The following TNR variants were observed in gnomAD, a reference collection of about 807,000 sequenced individuals.
TNR encodes tenascin R.
TNR carries 45 observed loss-of-function variants against 150.4 expected under a neutral mutation model. The observed-to-expected ratio is 0.30, with a 90% CI of 0.24 to 0.38. TNR has a LOEUF of 0.38. TNR is among the 10% of genes least tolerant of loss of function. The pLI is 1.00. For missense variants in TNR, 1,544 were observed against 1,759.1 expected, an observed-to-expected ratio of 0.88 and a Z score of 2.19; for synonymous variants, 687 against 678.4, an observed-to-expected ratio of 1.01 and a Z score of -0.20.
chr1:175,427,888 C>CACTT (rs765901559), intron 2 of TNR, among the ~76,000 whole-genome samples: 2 of 63,372 alleles, frequency 3.2e-5, no homozygotes, highest in African/African-American at 7.6e-5. Context: ...CTCCCTTCTT[C>CACTT]GCTTCCTTCC....
intron 2 of TNR, among the ~76,000 whole-genome samples, chr1:175,424,595 A>T (rs1654889076): frequency 6.6e-6 from 1 of 152,066 alleles, no homozygotes; most frequent in Admixed American, 6.5e-5. Context: ...GCTCTCCCTG[A>T]CTCTGGGGTT....
At chr1:175,707,812 TAA>T (rs988156875) in intron 1 of TNR, among the ~76,000 whole-genome samples, 37 of 152,320 alleles carry the variant, frequency 2.4e-4, no homozygotes, top group African/African-American at 7.7e-4. Context: ...AATAATTATT[TAA>T]GTTAAAATTA....
intron 1 of TNR, among the ~76,000 whole-genome samples, chr1:175,651,824 A>C (rs1665004746): frequency 6.6e-6 from 1 of 151,768 alleles, no homozygotes; most frequent in African/African-American, 2.4e-5. Flanking sequence ...ATTCTAGACC[A>C]AATATTAACT....
intron 1 of TNR, among the ~76,000 whole-genome samples, chr1:175,567,347 T>G (rs1052084251): frequency 2.6e-5 from 4 of 152,168 alleles, no homozygotes; most frequent in African/African-American, 4.8e-5. Flanking sequence ...TGCGGGCTGA[T>G]GGGCTAGCAT....
intron 1 of TNR, among the ~76,000 whole-genome samples, chr1:175,573,100 C>G (rs1661950678): frequency 6.6e-6 from 1 of 152,214 alleles, no homozygotes; most frequent in African/African-American, 2.4e-5. Context: ...AATTGATCCT[C>G]TGATTAGCGT....
intron 1 of TNR, among the ~76,000 whole-genome samples, chr1:175,555,207 C>T (rs1661103260): frequency 6.6e-6 from 1 of 152,136 alleles, no homozygotes; most frequent in African/African-American, 2.4e-5. Flanking sequence ...CTTTTCTCCC[C>T]TTTGCTCTTC....
chr1:175,464,418 C>T (rs1656942547), intron 2 of TNR, among the ~76,000 whole-genome samples: 1 of 152,152 alleles, frequency 6.6e-6, no homozygotes, highest in Non-Finnish European at 1.5e-5. Context: ...AAGACACTGC[C>T]AGCTCCAAGG....
chr1:175,440,146 C>T (rs574558053), intron 2 of TNR, among the ~76,000 whole-genome samples: 2 of 152,212 alleles, frequency 1.3e-5, no homozygotes, highest in South Asian at 4.2e-4. Context: ...CAATGATAGA[C>T]TGGATTAAGA....
At chr1:175,603,445 G>A (rs984617296) in intron 1 of TNR, among the ~76,000 whole-genome samples, 2 of 152,210 alleles carry the variant, frequency 1.3e-5, no homozygotes, top group African/African-American at 4.8e-5. Context: ...GTTGCGAGGG[G>A]ACTAATCCTT....
chr1:175,726,150 G>T (rs1237002979), intron 1 of TNR, among the ~76,000 whole-genome samples: 1 of 152,100 alleles, frequency 6.6e-6, no homozygotes, highest in Non-Finnish European at 1.5e-5. Flanking sequence ...TAGTGCTATT[G>T]GGTATGCTAA....
intron 1 of TNR, among the ~76,000 whole-genome samples, chr1:175,729,583 A>T (rs1358444721): frequency 6.6e-6 from 1 of 151,990 alleles, no homozygotes; most frequent in African/African-American, 2.4e-5. Context: ...ATAAGCCACC[A>T]TGCCTAGTCT....
intron 2 of TNR, among the ~76,000 whole-genome samples, chr1:175,517,038 A>T (rs1659437512): frequency 6.6e-6 from 1 of 150,744 alleles, no homozygotes; most frequent in East Asian, 1.9e-4. Context: ...AGAGAGAGAG[A>T]GAGAGAGAGA....
chr1:175,706,823 A>G lies in TNR; in HGVS notation c.-165+36403T>C, dbSNP rs76242310. Among the ~76,000 whole-genome samples, 841 of 152,190 alleles carry G rather than the reference A, an allele frequency of 5.5e-3. 3 individuals carry two copies. The highest frequency in any genetic ancestry group is 8.0e-3 in the Non-Finnish European group (545 of 68,004). ...GATAGTCACCACCTCCTTACCCCCA[A>G]AAAAACCCTTCCAAGTAAAACTGGT... On this transcript the variant is annotated intron_variant, in intron 1 of 22. Coordinates refer to ENST00000367674, the MANE Select transcript of TNR (RefSeq NM_003285.3).
At chr1:175,409,850 T>G (rs1654131191) in intron 2 of TNR, among the ~76,000 whole-genome samples, 1 of 127,496 alleles carries the variant, frequency 7.8e-6, no homozygotes. Flanking sequence ...TGCATTCAAG[T>G]GTGTGTGGGT....
intron 1 of TNR, among the ~76,000 whole-genome samples, chr1:175,640,803 A>ATATATG (rs1308825187): frequency 6.6e-6 from 1 of 151,802 alleles, no homozygotes; most frequent in African/African-American, 2.4e-5. Flanking sequence ...ATATATATAT[A>ATATATG]TATATATGAT....
chr1:175,573,178 A>G (rs916437709), intron 1 of TNR, among the ~76,000 whole-genome samples: 1 of 152,286 alleles, frequency 6.6e-6, no homozygotes, highest in South Asian at 2.1e-4. Flanking sequence ...GTGTGTGTAC[A>G]CCCTCCAGCC....
Position 175,528,550 on chromosome 1 carries a change from T to G in TNR, c.-164-181A>C, listed in dbSNP as rs574845820. ...CTTTTTCTCTCCAGAGACTTTCATT[T>G]ATTTCATTGATTTTCTTTCATTCAT... On this transcript the variant is annotated intron_variant, in intron 1 of 22. Coordinates refer to ENST00000367674, the MANE Select transcript of TNR (RefSeq NM_003285.3). Among the ~76,000 whole-genome samples the G allele has an allele frequency of 3.3e-5, 5 of 152,366 alleles. No homozygotes were observed. In the South Asian group the frequency reaches 1.0e-3, roughly 32 times the overall value.
At chr1:175,511,852 T>C (rs2102159972) in intron 2 of TNR, among the ~76,000 whole-genome samples, 1 of 152,336 alleles carries the variant, frequency 6.6e-6, no homozygotes, top group East Asian at 1.9e-4. Context: ...TGGAGCTCTC[T>C]CCTGGCATTG....
chr1:175,460,734 C>T (rs1008698589), intron 2 of TNR, among the ~76,000 whole-genome samples: 2 of 152,134 alleles, frequency 1.3e-5, no homozygotes, highest in African/African-American at 4.8e-5. Context: ...AGGAAGAATT[C>T]ACTCTAAATA....
Sources: allele counts gnomAD v4.1 joint callset (sites outside exome capture counted in the v4.1 genomes callset), GRCh38; gene constraint gnomAD v4.1.1; transcripts MANE v1.5; gene names NCBI Gene and HGNC (gene_info 2026-07-23, HGNC 2026-07-21).